The following SFXN2 variants were observed in gnomAD, a reference collection of about 807,000 sequenced individuals.
The protein encoded by SFXN2 is sideroflexin 2.
SFXN2 carries 37 observed loss-of-function variants against 41.9 expected under a neutral mutation model. That is an observed-to-expected ratio of 0.88 (90% CI 0.68 to 1.16). The LOEUF (loss-of-function observed/expected upper bound fraction) is 1.16. SFXN2 is among the 50% of genes most tolerant of loss of function. The pLI is 0.00. For synonymous variants in SFXN2, 150 were observed against 156.7 expected (o/e 0.96, Z 0.32); for missense variants, 386 against 425.2 (o/e 0.91, Z 0.81).
In SFXN2 at chr10:102,732,224, ATGGGGAAGCCCTTCCATCC is replaced by A. The variant is rs756399951; in HGVS notation, c.721+17_721+35del. On this transcript the variant is annotated splice_region_variant and intron_variant, in intron 8 of 11. Coordinates refer to ENST00000369893, the MANE Select transcript of SFXN2 (RefSeq NM_178858.6). ...CATGTCAGCTCCTGGGATGAGTAAG[ATGGGGAAGCCCTTCCATCC>A]TGGGGAAGCCTGTGACACAGGGTGG... is the stretch of plus-strand genomic sequence containing the variant. The A allele has an allele frequency of 6.8e-6, 11 of 1,613,334 alleles. No homozygotes were observed. The Admixed American group carries it at 1.7e-4, about 24-fold the overall frequency.
intron 10 of SFXN2, among the ~76,000 whole-genome samples, chr10:102,735,136 C>T (rs2064757169): frequency 2.0e-5 from 3 of 150,724 alleles, no homozygotes; most frequent in South Asian, 4.2e-4. Flanking sequence ...CAATCCTCCC[C>T]CTCCAAGTTG....
intron 1 of SFXN2, among the ~76,000 whole-genome samples, chr10:102,725,558 A>G (rs1215624268): frequency 1.3e-5 from 2 of 152,050 alleles, no homozygotes; most frequent in Non-Finnish European, 2.9e-5. Flanking sequence ...GTCAATTACC[A>G]TTCACTCCAG....
At chr10:102,729,571 C>A in intron 5 of SFXN2, 152 bp from the exon 6 acceptor site, 1 of 1,116,430 alleles carries the variant, frequency 9.0e-7, no homozygotes, top group Non-Finnish European at 1.3e-6. Context: ...CTTCTTGGGC[C>A]TTTGAGGGAG....
In SFXN2 at chr10:102,722,473, C is replaced by T. The variant is rs761369843; in HGVS notation, c.-25-4139C>T. Among the ~76,000 whole-genome samples the T allele has an allele frequency of 5.3e-5, 8 of 152,248 alleles. 1 individual carries two copies. The highest frequency in any genetic ancestry group is 2.1e-4 in the South Asian group (1 of 4,820). On this transcript the variant is annotated intron_variant, in intron 1 of 11. Coordinates refer to ENST00000369893, the MANE Select transcript of SFXN2 (RefSeq NM_178858.6). ...TGTTGCTACTATTGTTTTAAACAAA[C>T]GTATCTGTTTGTTAACTGTTAACAG...
intron 1 of SFXN2, among the ~76,000 whole-genome samples, chr10:102,723,418 A>G (rs1260877398): frequency 6.6e-6 from 1 of 150,646 alleles, no homozygotes; most frequent in East Asian, 2.0e-4. Flanking sequence ...CGCCCGGCTA[A>G]TTTTTGTATT....
intron 11 of SFXN2, 149 bp from the exon 12 acceptor site, chr10:102,737,514 G>A (rs955178831): frequency 1.6e-5 from 9 of 567,282 alleles, no homozygotes; most frequent in East Asian, 2.9e-5. Flanking sequence ...TCAGGCCTGC[G>A]TAATGGTAAA....
intron 11 of SFXN2, among the ~76,000 whole-genome samples, chr10:102,737,027 G>A (rs990975780): frequency 6.6e-6 from 1 of 152,014 alleles, no homozygotes; most frequent in African/African-American, 2.4e-5. Flanking sequence ...GGTGGTGCAT[G>A]CCTGTAATCC....
In SFXN2 at chr10:102,714,852, C is replaced by T. The variant is rs556622368; in HGVS notation, c.-26+171C>T. ...TGCGCCCTGGGGCTGCAGATGGGCC[C>T]CTCTGCTCTGACCCCCATTGCCTAG... is the stretch of plus-strand genomic sequence containing the variant. On this transcript the variant is annotated intron_variant, in intron 1 of 11. Coordinates refer to ENST00000369893, the MANE Select transcript of SFXN2 (RefSeq NM_178858.6). The T allele has an allele frequency of 3.4e-3, 519 of 153,078 alleles. 2 individuals are homozygous for T. Among genetic ancestry groups the T allele is most frequent in the Middle Eastern group, 9.9e-3 (3 of 302 alleles). 9.5% of individuals were successfully genotyped at this position (153,078 alleles called of 1,614,324 possible).
intron 1 of SFXN2, chr10:102,717,923 T>A: frequency 2.4e-6 from 1 of 410,034 alleles, no homozygotes; most frequent in Non-Finnish European, 3.3e-6. Context: ...AAGGTGACAA[T>A]CACAAACGCC....
intron 11 of SFXN2, among the ~76,000 whole-genome samples, chr10:102,737,422 C>T (rs768160701): frequency 6.6e-6 from 1 of 152,164 alleles, no homozygotes; most frequent in Non-Finnish European, 1.5e-5. Flanking sequence ...CTAGACATCT[C>T]TTGTGTCCCA....
In SFXN2 at chr10:102,734,230, C is replaced by T. The variant is rs967218393; in HGVS notation, c.821+627C>T. On this transcript the variant is annotated intron_variant, in intron 10 of 11. Coordinates refer to ENST00000369893, the MANE Select transcript of SFXN2 (RefSeq NM_178858.6). The surrounding 1 kb of genome is among the most constrained non-coding windows in gnomAD (Gnocchi z 4.1). ...GAGACATAGCTTTGGCTGGGACTGT[C>T]ATGTGTCCCAGACTCACACAGGAGG... Among the ~76,000 whole-genome samples the T allele has an allele frequency of 6.6e-6, 1 of 151,760 alleles. No individual in the cohort carries two copies. The highest frequency in any genetic ancestry group is 2.4e-5 in the African/African-American group (1 of 41,044).
chr10:102,732,117 A>G (rs2064713223), intron 7 of SFXN2, 35 bp from the exon 8 acceptor site: 1 of 1,598,748 alleles, frequency 6.3e-7, no homozygotes, highest in East Asian at 2.2e-5. Flanking sequence ...CACTGGATAC[A>G]TCATTTCTGA....
At chr10:102,735,507 T>G (rs1012638087) in intron 10 of SFXN2, among the ~76,000 whole-genome samples, 2 of 151,782 alleles carry the variant, frequency 1.3e-5, no homozygotes, top group Non-Finnish European at 2.9e-5. Context: ...CTCCTCCCCC[T>G]CCAAGTTTCT....
Position 102,734,278 on chromosome 10 carries a change from G to C in SFXN2, c.821+675G>C, listed in dbSNP as rs2064743208. On this transcript the variant is annotated intron_variant, in intron 10 of 11. Coordinates refer to ENST00000369893, the MANE Select transcript of SFXN2 (RefSeq NM_178858.6). The surrounding 1 kb of genome is among the most constrained non-coding windows in gnomAD (Gnocchi z 4.1). ...AGGGAAATGCCACCAGTCACGTCAG[G>C]GTTCTTAGGTATCTGCCATTAACTG... Among the ~76,000 whole-genome samples, 1 of 152,076 alleles carries C rather than the reference G, an allele frequency of 6.6e-6. No individual in the cohort carries two copies. The highest frequency in any genetic ancestry group is 1.5e-5 in the Non-Finnish European group (1 of 68,016).
intron 1 of SFXN2, chr10:102,717,618 TA>T (rs1384751592): frequency 4.2e-6 from 1 of 235,962 alleles, no homozygotes; most frequent in Non-Finnish European, 6.9e-6. Flanking sequence ...GAAGAAAATT[TA>T]GAGACCAGTA....
chr10:102,728,786 T>G (rs2064651303), intron 4 of SFXN2, among the ~76,000 whole-genome samples: 2 of 152,202 alleles, frequency 1.3e-5, no homozygotes, highest in Middle Eastern at 3.4e-3. Flanking sequence ...ATGTGCATGG[T>G]TCTAGATGCT....
At chr10:102,732,561 G>A (rs914071855) in intron 8 of SFXN2, among the ~76,000 whole-genome samples, 2 of 152,178 alleles carry the variant, frequency 1.3e-5, no homozygotes, top group Non-Finnish European at 2.9e-5. Context: ...TTGTTTGCAC[G>A]AACGTACAAA....
intron 11 of SFXN2, among the ~76,000 whole-genome samples, chr10:102,737,353 A>G (rs2064795052): frequency 6.6e-6 from 1 of 152,044 alleles, no homozygotes; most frequent in Admixed American, 6.6e-5. Context: ...ATATACCCAG[A>G]CAATTCCAGT....
rs2134012731 is a variant in SFXN2 at position 102,738,431 on chromosome 10, G to A, written c.*669G>A. On this transcript the variant is annotated 3_prime_UTR_variant, in exon 12 of 12. Coordinates refer to ENST00000369893, the MANE Select transcript of SFXN2 (RefSeq NM_178858.6). Reference sequence around the variant, plus strand: ...CCTGCCTCAGCCTCTCAAGTAGCTGGGATTACAGGGCACCTGCCACCACGC... The same window carrying A: ...CCTGCCTCAGCCTCTCAAGTAGCTGAGATTACAGGGCACCTGCCACCACGC... 1 of 152,314 alleles carries A rather than the reference G, an allele frequency of 6.6e-6. No individual in the cohort carries two copies. The highest frequency in any genetic ancestry group is 6.5e-5 in the Admixed American group (1 of 15,292). The allele number at this position is 152,314 out of a possible 1,614,324, so 9.4% of individuals were successfully genotyped here.
Sources: gnomAD v4.1 joint callset for allele counts (sites outside exome capture counted in the v4.1 genomes callset) on GRCh38, gnomAD v4.1.1 for gene constraint, Gnocchi (gnomAD v3.1) non-coding constraint, MANE v1.5 for transcripts, NCBI Gene and HGNC (gene_info 2026-07-23, HGNC 2026-07-21) for gene names.